Variants in SMIM35 observed in about 807,000 individuals in gnomAD.
SMIM35 encodes the protein TMPRSS4 antisense RNA 1 (non-protein coding).
At chr11:118,036,443 G>C (rs1246291431) in intron 1 of SMIM35, among the ~76,000 whole-genome samples, 1 of 152,282 alleles carries the variant, frequency 6.6e-6, no homozygotes, top group South Asian at 2.1e-4. Flanking sequence ...GTTTTACAAA[G>C]GTATTTTCTA....
intron 1 of SMIM35, among the ~76,000 whole-genome samples, chr11:118,021,107 A>G (rs1034486306): frequency 4.0e-5 from 6 of 151,320 alleles, no homozygotes; most frequent in Non-Finnish European, 7.4e-5. Context: ...CTGGTATAAG[A>G]AAAGAGTAAC....
At chr11:118,061,048 C>A (rs141258268) in intron 1 of SMIM35, among the ~76,000 whole-genome samples, 646 of 152,350 alleles carry the variant, frequency 4.2e-3, no homozygotes, top group Non-Finnish European at 7.0e-3. Flanking sequence ...AGAGGCACCG[C>A]TTCTGCTGAG....
intron 1 of SMIM35, among the ~76,000 whole-genome samples, chr11:118,069,090 C>T (rs1409565681): frequency 6.6e-6 from 1 of 152,234 alleles, no homozygotes; most frequent in African/African-American, 2.4e-5. Context: ...CTCTATTCTG[C>T]ATCAGCAGCA....
chr11:118,012,141 T>G (rs1198966034), intron 4 of SMIM35, among the ~76,000 whole-genome samples: 4 of 152,196 alleles, frequency 2.6e-5, no homozygotes, highest in Non-Finnish European at 5.9e-5. Flanking sequence ...CTGCATCTGT[T>G]GCTGGGCTGC....
intron 1 of SMIM35, chr11:118,077,058 C>T: frequency 2.1e-6 from 1 of 480,410 alleles, no homozygotes; most frequent in Non-Finnish European, 3.7e-6. Flanking sequence ...TTTAATCAAG[C>T]TGCCCAAAGT....
intron 1 of SMIM35, among the ~76,000 whole-genome samples, chr11:118,045,408 T>G (rs975129962): frequency 6.6e-6 from 1 of 151,828 alleles, no homozygotes; most frequent in Non-Finnish European, 1.5e-5. Context: ...TCCCTATGAT[T>G]AAGGCAAGTC....
chr11:118,077,092 C>G, intron 1 of SMIM35: 2 of 549,288 alleles, frequency 3.6e-6, no homozygotes, highest in Non-Finnish European at 6.4e-6. Flanking sequence ...CTGGAATACA[C>G]AGAGAGAGGC....
At chr11:118,061,355 C>T (rs1420020676) in intron 1 of SMIM35, among the ~76,000 whole-genome samples, 1 of 152,284 alleles carries the variant, frequency 6.6e-6, no homozygotes, top group Admixed American at 6.5e-5. Flanking sequence ...ATTGGATGAT[C>T]GATTCACAGA....
At chr11:118,085,138 C>T (rs1945443929) in intron 1 of SMIM35, among the ~76,000 whole-genome samples, 1 of 152,140 alleles carries the variant, frequency 6.6e-6, no homozygotes, top group South Asian at 2.1e-4. Flanking sequence ...ATTGTACCCA[C>T]ATTCCAAAGA....
chr11:118,063,028 C>T (rs546733166), intron 1 of SMIM35, among the ~76,000 whole-genome samples: 167 of 152,202 alleles, frequency 1.1e-3, no homozygotes, highest in African/African-American at 3.7e-3. Flanking sequence ...AGCGCCAAGA[C>T]GGTTTACAAA....
intron 1 of SMIM35, among the ~76,000 whole-genome samples, chr11:118,026,844 G>C (rs913837988): frequency 1.2e-4 from 18 of 152,046 alleles, no homozygotes; most frequent in African/African-American, 4.3e-4. Context: ...TCTTATATAA[G>C]TCTCGGTAGC....
At chr11:118,036,044 T>C (rs649827) in intron 1 of SMIM35, among the ~76,000 whole-genome samples, 75,839 of 152,034 alleles carry the variant, frequency 0.5, 19,507 homozygotes, top group East Asian at 0.65. Flanking sequence ...CCTGCCACCA[T>C]GCCTGGCTAA....
chr11:118,021,017 C>T (rs7929615), intron 1 of SMIM35, among the ~76,000 whole-genome samples: 6,193 of 149,048 alleles, frequency 0.042, 339 homozygotes, highest in African/African-American at 0.13. Flanking sequence ...TTTGGCAGTG[C>T]GTTTTTAGTT....
At chr11:118,069,712 A>G (rs1303696059) in intron 1 of SMIM35, among the ~76,000 whole-genome samples, 2 of 152,234 alleles carry the variant, frequency 1.3e-5, no homozygotes, top group Non-Finnish European at 2.9e-5. Flanking sequence ...ACGAGGGCAC[A>G]GTGAATGTAT....
intron 4 of SMIM35, among the ~76,000 whole-genome samples, chr11:118,012,715 G>C (rs1033027304): frequency 9.9e-5 from 15 of 152,204 alleles, no homozygotes; most frequent in Non-Finnish European, 1.5e-4. Context: ...GGTTGAAAGT[G>C]CTGGAATCAA....
chr11:118,042,393 C>G (rs1487826278), intron 1 of SMIM35, among the ~76,000 whole-genome samples: 1 of 152,016 alleles, frequency 6.6e-6, no homozygotes, highest in Non-Finnish European at 1.5e-5. Context: ...AATACACAAA[C>G]CACCAAAACT....
intron 1 of SMIM35, among the ~76,000 whole-genome samples, chr11:118,039,409 C>A (rs1271793821): frequency 6.6e-6 from 1 of 152,002 alleles, no homozygotes; most frequent in Non-Finnish European, 1.5e-5. Flanking sequence ...TAGGGCTGTA[C>A]AAGAATAGAG....
intron 1 of SMIM35, among the ~76,000 whole-genome samples, chr11:118,073,711 G>A (rs1944610505): frequency 6.6e-6 from 1 of 152,248 alleles, no homozygotes; most frequent in South Asian, 2.1e-4. Context: ...CCTCTGTGCT[G>A]TGCAAGGCGG....
intron 1 of SMIM35, among the ~76,000 whole-genome samples, chr11:118,036,263 C>T (rs2058358870): frequency 6.6e-6 from 1 of 152,178 alleles, no homozygotes; most frequent in African/African-American, 2.4e-5. Context: ...TATACCCTTA[C>T]CAGAGAGAGA....
Sources: allele counts gnomAD v4.1 joint callset (sites outside exome capture counted in the v4.1 genomes callset), GRCh38; gene constraint gnomAD v4.1.1; transcripts MANE v1.5; gene names NCBI Gene and HGNC (gene_info 2026-07-23, HGNC 2026-07-21).